The following MOK variants were observed in gnomAD, a reference collection of about 807,000 sequenced individuals.
MOK encodes the protein MOK protein kinase.
In MOK, 59 loss-of-function variants were observed where a neutral mutation model predicts 54.2. That is an observed-to-expected ratio of 1.09 (90% CI 0.88 to 1.35). The LOEUF (loss-of-function observed/expected upper bound fraction) is 1.35. Ranked by LOEUF, MOK falls within the 40% of genes most tolerant of loss-of-function variation. MOK has a pLI of 0.00. For synonymous variants in MOK, 210 were observed against 202.7 expected (o/e 1.04, Z -0.31); for missense variants, 517 against 526.2 (o/e 0.98, Z 0.17).
intron 1 of MOK, among the ~76,000 whole-genome samples, chr14:102,301,221 T>C (rs2072155888): frequency 6.6e-6 from 1 of 152,230 alleles, no homozygotes; most frequent in Non-Finnish European, 1.5e-5. Flanking sequence ...GAAGGACTGT[T>C]GTTCCTTTAA....
chr14:102,265,839 A>G lies in MOK; in HGVS notation c.196T>C (p.Leu66=), dbSNP rs765836579. ...RLNPHPNILM[L]HEVVFDRKSG... ...TATACTTACAAAACCACTTCATGCA[A>G]CATAAGAATGTTTGGGTGCGGATTC... Residue 66 remains leucine (L), a synonymous_variant, in exon 3 of 12, where the codon TTG becomes CTG. Transcript: ENST00000361847. 1.9e-6 allele frequency: 3 copies of G among 1,613,886 alleles called. No individual in the cohort carries two copies. The East Asian group carries it at 6.7e-5, about 36-fold the overall frequency.
At chr14:102,252,156 A>G (rs1464119164) in intron 4 of MOK, among the ~76,000 whole-genome samples, 161 bp from the exon 5 acceptor site, 1 of 152,212 alleles carries the variant, frequency 6.6e-6, no homozygotes, top group Non-Finnish European at 1.5e-5. Context: ...GTGCCTACAA[A>G]ACATACCATT....
the MOK span, among the ~76,000 whole-genome samples, chr14:102,218,630 C>T: frequency 2.0e-5 from 3 of 152,030 alleles, no homozygotes; most frequent in African/African-American, 7.3e-5. Flanking sequence ...AAACCCAAAC[C>T]AAGAGCTGGA....
intron 2 of MOK, chr14:102,283,252 C>A: frequency 2.6e-6 from 1 of 386,372 alleles, no homozygotes; most frequent in Admixed American, 4.1e-5. Flanking sequence ...ACTTTTGAAA[C>A]TTAAACTTTT....
chr14:102,300,384 CAA>C (rs36070143), intron 1 of MOK, among the ~76,000 whole-genome samples: 21 of 133,094 alleles, frequency 1.6e-4, no homozygotes, highest in South Asian at 2.4e-4. Flanking sequence ...CCATCTCCAC[CAA>C]AAAAAAAAAA....
intron 2 of MOK, among the ~76,000 whole-genome samples, chr14:102,269,092 A>G (rs969063336): frequency 3.3e-5 from 5 of 152,194 alleles, no homozygotes; most frequent in Admixed American, 6.5e-5. Flanking sequence ...ACTGCAAAAT[A>G]AGGATTACTA....
chr14:102,302,155 G>GC (rs2072287599), intron 1 of MOK, among the ~76,000 whole-genome samples: 1 of 144,776 alleles, frequency 6.9e-6, no homozygotes, highest in East Asian at 2.0e-4. Flanking sequence ...TCACTGCAAC[G>GC]CCCCCCTCCC....
At chr14:102,239,725 C>T (rs1451073287) in intron 7 of MOK, among the ~76,000 whole-genome samples, 2 of 152,076 alleles carry the variant, frequency 1.3e-5, no homozygotes, top group Non-Finnish European at 2.9e-5. Flanking sequence ...AAAAATTAGC[C>T]GGGCATGGTG....
At chr14:102,258,596 A>C (rs1462336566) in intron 4 of MOK, among the ~76,000 whole-genome samples, 2 of 152,152 alleles carry the variant, frequency 1.3e-5, no homozygotes, top group East Asian at 3.8e-4. Flanking sequence ...TGTCACTGCA[A>C]ATGGGACATC....
At chr14:102,269,470 T>G (rs1465269781) in intron 2 of MOK, among the ~76,000 whole-genome samples, 1 of 132,968 alleles carries the variant, frequency 7.5e-6, no homozygotes, top group Non-Finnish European at 1.6e-5. Context: ...CACAACCAGC[T>G]TTTTTTTTTT....
At chr14:102,250,028 G>A (rs74665201) in intron 7 of MOK, among the ~76,000 whole-genome samples, 6,400 of 152,248 alleles carry the variant, frequency 0.042, 153 homozygotes, top group Middle Eastern at 0.065. Flanking sequence ...CATGGGAAGG[G>A]ACTCTTGGTT....
At chr14:102,268,387 A>T (rs570109673) in intron 2 of MOK, among the ~76,000 whole-genome samples, 1 of 152,192 alleles carries the variant, frequency 6.6e-6, no homozygotes, top group African/African-American at 2.4e-5. Flanking sequence ...AAAAAAATCT[A>T]AAAAAACCTG....
At chr14:102,223,636 A>G (rs576533794), downstream of MOK, 30 of 152,770 alleles carry the variant, frequency 2.0e-4, no homozygotes, top group African/African-American at 6.0e-4. Context: ...TGATATTTCT[A>G]ATTCACAAAA....
At chr14:102,254,713 A>T (rs76067392) in intron 4 of MOK, among the ~76,000 whole-genome samples, 6,024 of 152,260 alleles carry the variant, frequency 0.04, 145 homozygotes, top group Middle Eastern at 0.065. Context: ...GGGGCCCCAC[A>T]GTCGCCTAAC....
intron 2 of MOK, chr14:102,280,796 G>C (rs139791576): frequency 6.6e-6 from 1 of 152,138 alleles, no homozygotes; most frequent in African/African-American, 2.4e-5. Flanking sequence ...AACCATGTCC[G>C]TTACGTAACC....
Position 102,232,350 on chromosome 14 carries a change from G to T in MOK, c.866+185C>A. The T allele has an allele frequency of 1.8e-6, 1 of 565,444 alleles. No individual in the cohort carries two copies. Among genetic ancestry groups the T allele is most frequent in the Non-Finnish European group, 2.9e-6 (1 of 343,690 alleles). 35.0% of individuals were successfully genotyped at this position (565,444 alleles called of 1,614,324 possible). On this transcript the variant is annotated intron_variant, in intron 9 of 11. Transcript: ENST00000361847. The surrounding 1 kb of genome is among the most constrained non-coding windows in gnomAD (Gnocchi z 5.1). ...TGGAGCTGCTAACATCCTCATTTTGGGGAGGATACACCAGAAGGCAGCACG... is the reference window on the plus strand; with the variant it reads ...TGGAGCTGCTAACATCCTCATTTTGTGGAGGATACACCAGAAGGCAGCACG...
At chr14:102,278,519 T>G (rs986012018) in intron 2 of MOK, 1 of 364,782 alleles carries the variant, frequency 2.7e-6, no homozygotes, top group Admixed American at 3.4e-5. Context: ...AGAAAAACCA[T>G]GTACCACATG....
intron 2 of MOK, among the ~76,000 whole-genome samples, chr14:102,279,670 C>G (rs2069212886): frequency 6.6e-6 from 1 of 152,042 alleles, no homozygotes; most frequent in East Asian, 1.9e-4. Context: ...TGAGGATATA[C>G]CAGAAAAGAT....
At position 102,245,672 on chromosome 14, in the gene MOK, C is replaced by T. The variant is rs1461098394; in HGVS notation, c.590+5140G>A. Among the ~76,000 whole-genome samples, 2 of 152,134 alleles carry T rather than the reference C, an allele frequency of 1.3e-5. No individual in the cohort carries two copies. The highest frequency in any genetic ancestry group is 3.9e-4 in the East Asian group (2 of 5,192). ...ACCCCTATCTCCCTTCGATGATTCT[C>T]TTTTCGGACTCAGCCCGCCTGCACC... On this transcript the variant is annotated intron_variant, in intron 7 of 11. Coordinates refer to ENST00000361847, the MANE Select transcript of MOK (RefSeq NM_014226.3). This position sits in a 1 kb window ranked among gnomAD's most constrained non-coding sequence, Gnocchi z 4.3.
Sources: gnomAD v4.1 joint callset for allele counts (sites outside exome capture counted in the v4.1 genomes callset) on GRCh38, gnomAD v4.1.1 for gene constraint, Gnocchi (gnomAD v3.1) non-coding constraint, MANE v1.5 for transcripts, NCBI Gene and HGNC (gene_info 2026-07-23, HGNC 2026-07-21) for gene names.